Variants in NNMT observed in about 807,000 individuals in gnomAD.
NNMT encodes nicotinamide N-methyltransferase.
NNMT carries 10 observed loss-of-function variants against 11.7 expected under a neutral mutation model. The ratio of observed to expected loss-of-function variants is 0.85; its 90% confidence interval spans 0.53 to 1.45. The LOEUF (loss-of-function observed/expected upper bound fraction) is 1.45. Ranked by LOEUF, NNMT falls within the 40% of genes most tolerant of loss-of-function variation. NNMT has a pLI of 0.00. For missense variants in NNMT, 381 were observed against 319.4 expected, an observed-to-expected ratio of 1.19 and a Z score of -1.47; for synonymous variants, 143 against 133.8, an observed-to-expected ratio of 1.07 and a Z score of -0.48.
chr11:114,258,223 G>A (rs1170292211), intron 1 of NNMT, among the ~76,000 whole-genome samples: 1 of 152,250 alleles, frequency 6.6e-6, no homozygotes, highest in Non-Finnish European at 1.5e-5. Flanking sequence ...CCGTGGGGCT[G>A]CAGGGTGTTC....
chr11:114,263,502 C>T (rs572808836), intron 2 of NNMT, among the ~76,000 whole-genome samples: 1 of 152,270 alleles, frequency 6.6e-6, no homozygotes, highest in South Asian at 2.1e-4. Flanking sequence ...TTATTTACAA[C>T]CTGAAGGGTG....
intron 2 of NNMT, 125 bp from the exon 3 acceptor site, chr11:114,311,920 C>T: frequency 1.1e-6 from 1 of 926,578 alleles, no homozygotes; most frequent in Non-Finnish European, 1.6e-6. Flanking sequence ...TCTCTCCTTT[C>T]CCGATAGAGG....
chr11:114,296,647 C>A lies in NNMT; in HGVS notation c.91C>A (p.His31Asn). ...LEKYYKFGSR[H>N]SAESQILKHL... Reference sequence around the variant, plus strand: ...AAAATATTACAAGTTTGGTTCTAGGCACTCTGCAGAAAGCCAGATTCTTAA... The same window carrying A: ...AAAATATTACAAGTTTGGTTCTAGGAACTCTGCAGAAAGCCAGATTCTTAA... Residue 31 changes from histidine to asparagine, a missense_variant, in exon 1 of 3, where the codon CAC becomes AAC. Transcript: ENST00000299964. The A allele has an allele frequency of 1.9e-6, 3 of 1,614,134 alleles. No homozygotes were observed. The highest frequency in any genetic ancestry group is 2.5e-6 in the Non-Finnish European group (3 of 1,180,002).
intron 2 of NNMT, chr11:114,298,407 A>G (rs1945405864): frequency 2.1e-6 from 1 of 468,024 alleles, no homozygotes; most frequent in African/African-American, 2.0e-5. Context: ...TACTGAGCAA[A>G]GAGGAGTAAA....
At chr11:114,258,950 C>G (rs1591822413) in intron 1 of NNMT, among the ~76,000 whole-genome samples, 1 of 152,338 alleles carries the variant, frequency 6.6e-6, no homozygotes, top group South Asian at 2.1e-4. Flanking sequence ...CTCAACTTCT[C>G]CTTTTTCACT....
chr11:114,297,157 C>T (rs950963856), intron 1 of NNMT, among the ~76,000 whole-genome samples: 1 of 152,090 alleles, frequency 6.6e-6, no homozygotes, highest in Non-Finnish European at 1.5e-5. Flanking sequence ...ATTAACTTTC[C>T]TTGAAAGTAT....
At chr11:114,258,249 C>G (rs888844906) in intron 1 of NNMT, among the ~76,000 whole-genome samples, 1 of 152,216 alleles carries the variant, frequency 6.6e-6, no homozygotes, top group East Asian at 1.9e-4. Context: ...GGACCTTAAG[C>G]GGGAGCTCCC....
Position 114,296,438 on chromosome 11 carries a change from C to A in NNMT, c.-119C>A. ...CATCTGTTCTAAAAGAAGGGCTGAA[C>A]TGATGGAAGGAATGCTGTTAGCCTG... On this transcript the variant is annotated 5_prime_UTR_variant, in exon 1 of 3. It adds an upstream start codon to the 5' untranslated region. Transcript: ENST00000299964. The A allele has an allele frequency of 1.0e-6, 1 of 994,010 alleles. No homozygotes were observed. The highest frequency in any genetic ancestry group is 1.5e-6 in the Non-Finnish European group (1 of 674,736). The allele number at this position is 994,010 out of a possible 1,614,324, so 61.6% of individuals were successfully genotyped here. A position where few individuals can be genotyped will look rare whatever the true frequency, so the allele number is the denominator to read the frequency against.
rs770993920 is a variant in NNMT, at chr11:114,298,272, G to A, written c.362+114G>A. 245 of 832,452 alleles carry A rather than the reference G, an allele frequency of 2.9e-4. 5 individuals are homozygous for A. In the Middle Eastern group the frequency reaches 0.017, roughly 57 times the overall value. The allele number at this position is 832,452 out of a possible 1,614,324, so 51.6% of individuals were successfully genotyped here. A position where few individuals can be genotyped will look rare whatever the true frequency, so the allele number is the denominator to read the frequency against. ...ATCCAAATGGAGAATGAGTGGTAACGAGAGAGCGAGAGCAAGAGAGATGAG... is the reference window on the plus strand; with the variant it reads ...ATCCAAATGGAGAATGAGTGGTAACAAGAGAGCGAGAGCAAGAGAGATGAG... On this transcript the variant is annotated intron_variant, in intron 2 of 2. Transcript: ENST00000299964.
At chr11:114,273,800 A>T (rs1193277250) in intron 2 of NNMT, among the ~76,000 whole-genome samples, 1 of 152,158 alleles carries the variant, frequency 6.6e-6, no homozygotes, top group African/African-American at 2.4e-5. Context: ...AGATCGCTCC[A>T]TTGCACTCCA....
Position 114,312,028 on chromosome 11 carries a change from G to T in NNMT, c.363-17G>T, listed in dbSNP as rs1241018438. On this transcript the variant is annotated splice_polypyrimidine_tract_variant and intron_variant, in intron 2 of 2. Transcript: ENST00000299964. Reference sequence around the variant, plus strand: ...GACTGGAGTGGAAAACAATGTCTGTGGGTTTGTGTTTTTCAGAGTCAAGGG... The same window carrying T: ...GACTGGAGTGGAAAACAATGTCTGTTGGTTTGTGTTTTTCAGAGTCAAGGG... The T allele has an allele frequency of 6.5e-7, 1 of 1,539,486 alleles. No homozygotes were observed. Among genetic ancestry groups the T allele is most frequent in the African/African-American group, 1.4e-5 (1 of 72,650 alleles).
At chr11:114,284,392 G>A (rs1208968424) in intron 2 of NNMT, among the ~76,000 whole-genome samples, 1 of 152,192 alleles carries the variant, frequency 6.6e-6, no homozygotes, top group Non-Finnish European at 1.5e-5. Flanking sequence ...CTGAGGCTCA[G>A]GAATTGCTTT....
intron 2 of NNMT, among the ~76,000 whole-genome samples, chr11:114,311,804 G>A (rs1243866095): frequency 1.3e-5 from 2 of 152,140 alleles, no homozygotes; most frequent in African/African-American, 2.4e-5. Flanking sequence ...CAGGCTGCTA[G>A]GTATTATTAT....
rs1945318283 is a variant in NNMT at position 114,289,144 on chromosome 11, C to T, written c.-129-7284C>T. On this transcript the variant is annotated intron_variant, in intron 2 of 4. Transcript: ENST00000535401. Reference sequence around the variant, plus strand: ...ATGTGTTATATATTTATTTGGAAACCTCTAAATTTAATGTTTCAATGTATA... The same window carrying T: ...ATGTGTTATATATTTATTTGGAAACTTCTAAATTTAATGTTTCAATGTATA... Among the ~76,000 whole-genome samples the T allele has an allele frequency of 3.3e-5, 5 of 152,160 alleles. No individual in the cohort carries two copies. In the South Asian group the frequency reaches 1.0e-3, roughly 32 times the overall value.
chr11:114,264,619 C>T lies in NNMT; in HGVS notation c.-130+1685C>T, dbSNP rs148355884. ...CCTACCTGGAGATAGCATCAGATCCCACAGGTTAAGGGTTCAGTCCCACAA... is the reference window on the plus strand; with the variant it reads ...CCTACCTGGAGATAGCATCAGATCCTACAGGTTAAGGGTTCAGTCCCACAA... On this transcript the variant is annotated intron_variant, in intron 2 of 4. Transcript: ENST00000535401. Among the ~76,000 whole-genome samples the T allele has an allele frequency of 6.8e-3, 1,040 of 152,224 alleles. 44 individuals are homozygous for T. Among genetic ancestry groups the T allele is most frequent in the Admixed American group, 0.062 (952 of 15,294 alleles).
intron 2 of NNMT, among the ~76,000 whole-genome samples, chr11:114,282,076 A>G (rs1945266894): frequency 6.6e-6 from 1 of 152,014 alleles, no homozygotes; most frequent in African/African-American, 2.4e-5. Flanking sequence ...GAAATTAAAA[A>G]CGCCAGGCAT....
chr11:114,307,818 C>T (rs994199253), intron 2 of NNMT, among the ~76,000 whole-genome samples: 11 of 151,828 alleles, frequency 7.2e-5, no homozygotes, highest in Admixed American at 2.0e-4. Context: ...TTAACTCCTA[C>T]GTATTTATCC....
chr11:114,285,433 C>T (rs896938684), intron 2 of NNMT, among the ~76,000 whole-genome samples: 2 of 152,152 alleles, frequency 1.3e-5, no homozygotes, highest in East Asian at 3.9e-4. Context: ...GAGAAGCTGA[C>T]AGGTTGTGGA....
chr11:114,299,056 A>G (rs1945412477), intron 2 of NNMT, among the ~76,000 whole-genome samples: 1 of 152,242 alleles, frequency 6.6e-6, no homozygotes, highest in Admixed American at 6.5e-5. Context: ...AATGTTTGCA[A>G]TTATAGTATC....
Sources: allele counts gnomAD v4.1 joint callset (sites outside exome capture counted in the v4.1 genomes callset), GRCh38; gene constraint gnomAD v4.1.1; transcripts MANE v1.5; gene names NCBI Gene and HGNC (gene_info 2026-07-23, HGNC 2026-07-21).